The following RBM47 variants were observed in gnomAD, a reference collection of about 807,000 sequenced individuals.
RBM47 encodes the protein RNA-binding protein 47.
A neutral mutation model predicts 47.1 loss-of-function variants in RBM47; 21 were observed. The ratio of observed to expected loss-of-function variants is 0.45; its 90% CI spans 0.32 to 0.64. RBM47 has a LOEUF of 0.64. Among genes scored for constraint, RBM47 ranks in the 30% least tolerant of loss-of-function variants. The probability of loss-of-function intolerance (pLI) is 0.05; values close to 1 mark genes in which losing one functional copy is unlikely to be tolerated. For missense variants in RBM47, 708 were observed against 870.9 expected, an observed-to-expected ratio of 0.81 and a Z score of 2.35; for synonymous variants, 375 against 361.7, an observed-to-expected ratio of 1.04 and a Z score of -0.42.
intron 3 of RBM47, among the ~76,000 whole-genome samples, chr4:40,459,020 A>G (rs547693781): frequency 7.4e-4 from 112 of 152,330 alleles, no homozygotes; most frequent in South Asian, 1.2e-3. Context: ...AAAGAACTCT[A>G]TTAGAAATGA....
intron 1 of RBM47, among the ~76,000 whole-genome samples, chr4:40,583,911 A>G (rs1388617910): frequency 6.6e-6 from 1 of 150,714 alleles, no homozygotes; most frequent in Non-Finnish European, 1.5e-5. Context: ...CAGAATGATT[A>G]AATATATTTT....
chr4:40,616,912 G>C (rs1406558311), intron 1 of RBM47, among the ~76,000 whole-genome samples: 1 of 112,316 alleles, frequency 8.9e-6, no homozygotes, highest in Non-Finnish European at 1.7e-5. Context: ...GTCTTGCTCT[G>C]TCGCCCAGGC....
Position 40,519,273 on chromosome 4 carries a change from G to GTTCAACTGTT in RBM47, c.-155+25139_-155+25148dup, listed in dbSNP as rs1268190514. Among the ~76,000 whole-genome samples, 8 of 149,276 alleles carry GTTCAACTGTT rather than the reference G, an allele frequency of 5.4e-5. 1 individual carries two copies. In the East Asian group the frequency reaches 1.6e-3, roughly 29 times the overall value. ...TTCTGCCAACCTCTGACCAGAACCA[G>GTTCAACTGTT]TTCAACTGTTTTTCTCCTTCAATCT... On this transcript the variant is annotated intron_variant, in intron 2 of 6. Coordinates refer to ENST00000295971, the MANE Select transcript of RBM47 (RefSeq NM_001098634.2).
At position 40,432,699 on chromosome 4, in the gene RBM47, G is replaced by A. The variant is rs1167134625; in HGVS notation, c.1494C>T (p.Ala498=). 1.9e-5 allele frequency: 31 copies of A among 1,591,268 alleles called. No homozygotes were observed. Among genetic ancestry groups the A allele is most frequent in the East Asian group, 1.1e-4 (5 of 44,250 alleles). ...SAAAAAAAAA[A]AAAAVIPTVS... Reference sequence around the variant, plus strand: ...CAGTGGGAATGACAGCGGCTGCGGCGGCTGCGGCCGCGGCTGCGGCGGCAG... The same window carrying A: ...CAGTGGGAATGACAGCGGCTGCGGCAGCTGCGGCCGCGGCTGCGGCGGCAG... Residue 498 remains alanine, a synonymous_variant, in exon 6 of 7, where the codon GCC becomes GCT. Coordinates refer to ENST00000295971, the MANE Select transcript of RBM47 (RefSeq NM_001098634.2).
intron 2 of RBM47, among the ~76,000 whole-genome samples, chr4:40,487,037 A>G (rs981258228): frequency 6.6e-6 from 1 of 152,228 alleles, no homozygotes; most frequent in Admixed American, 6.5e-5. Context: ...TTAAACTGGA[A>G]GAGTCCTAAG....
At chr4:40,531,602 C>T (rs28736581) in intron 2 of RBM47, among the ~76,000 whole-genome samples, 2,362 of 152,220 alleles carry the variant, frequency 0.016, 81 homozygotes, top group African/African-American at 0.054. Flanking sequence ...AATGGACATG[C>T]GCTCAGATAC....
At chr4:40,439,161 GA>G (rs1393241714) in intron 3 of RBM47, among the ~76,000 whole-genome samples, 5 of 152,192 alleles carry the variant, frequency 3.3e-5, no homozygotes, top group Non-Finnish European at 7.4e-5. Context: ...AAATCAGAAT[GA>G]GCAAGTACTT....
chr4:40,563,644 T>C (rs1016130496), intron 1 of RBM47, among the ~76,000 whole-genome samples: 1 of 152,172 alleles, frequency 6.6e-6, no homozygotes, highest in African/African-American at 2.4e-5. Context: ...CAGAGGGTGG[T>C]GTCCACTAAG....
At chr4:40,526,345 A>G (rs80025103) in intron 2 of RBM47, among the ~76,000 whole-genome samples, 178 of 152,286 alleles carry the variant, frequency 1.2e-3, no homozygotes, top group African/African-American at 3.5e-3. Flanking sequence ...TCTAAATCAT[A>G]GAGAAGATAG....
intron 3 of RBM47, among the ~76,000 whole-genome samples, chr4:40,462,214 G>A (rs278948): frequency 0.34 from 51,464 of 151,972 alleles, 9,205 homozygotes; most frequent in East Asian, 0.59. Flanking sequence ...GTCTAGACAG[G>A]CTTCACATTT....
At chr4:40,568,461 G>GTC (rs1731316643) in intron 1 of RBM47, among the ~76,000 whole-genome samples, 1 of 144,928 alleles carries the variant, frequency 6.9e-6, no homozygotes, top group African/African-American at 2.6e-5. Flanking sequence ...AAAAAGGGTG[G>GTC]TCTCTATCAT....
intron 2 of RBM47, among the ~76,000 whole-genome samples, chr4:40,498,082 T>TA (rs1722879323): frequency 1.1e-5 from 1 of 93,266 alleles, no homozygotes; most frequent in Non-Finnish European, 2.3e-5. Flanking sequence ...ATATATATGT[T>TA]TATCTAATTC....
chr4:40,586,553 C>T (rs1733606924), intron 1 of RBM47, among the ~76,000 whole-genome samples: 1 of 150,444 alleles, frequency 6.6e-6, no homozygotes, highest in Non-Finnish European at 1.5e-5. Context: ...CCCTGTTAAC[C>T]AGAACAGCCA....
At chr4:40,441,274 CA>C (rs71196868) in intron 3 of RBM47, among the ~76,000 whole-genome samples, 17 of 141,348 alleles carry the variant, frequency 1.2e-4, no homozygotes, top group South Asian at 2.2e-4. Flanking sequence ...AAAAAGGAAC[CA>C]AAAAAAAAAA....
At chr4:40,540,497 G>C (rs979308329) in intron 2 of RBM47, among the ~76,000 whole-genome samples, 3 of 151,722 alleles carry the variant, frequency 2.0e-5, no homozygotes, top group Admixed American at 1.3e-4. Flanking sequence ...AAATTAGCCA[G>C]GCATGGTGGC....
At chr4:40,595,907 C>A in intron 1 of RBM47, among the ~76,000 whole-genome samples, 1 of 149,650 alleles carries the variant, frequency 6.7e-6, no homozygotes, top group African/African-American at 2.5e-5. Context: ...TTCGTCCCCC[C>A]TGCCAAAAAA....
intron 1 of RBM47, among the ~76,000 whole-genome samples, chr4:40,548,686 GAC>G (rs2154263550): frequency 6.6e-6 from 1 of 151,142 alleles, no homozygotes; most frequent in Non-Finnish European, 1.5e-5. Context: ...TTTTTTTTGA[GAC>G]AGAGTTTTGC....
chr4:40,535,371 C>CTTTTTTTTTTTTTTTTTTGTTTTTTT (rs1553897874), intron 2 of RBM47, among the ~76,000 whole-genome samples: 1 of 103,434 alleles, frequency 9.7e-6, no homozygotes, highest in Non-Finnish European at 1.9e-5. Context: ...TATGGTATTT[C>CTTTTTTTTTTTTTTTTTTGTTTTTTT]TTTTTTTTTT....
At chr4:40,436,385 C>A in intron 5 of RBM47, 56 bp downstream of exon 5, 1 of 1,536,370 alleles carries the variant, frequency 6.5e-7, no homozygotes, top group Non-Finnish European at 8.9e-7. Context: ...TCACTTCAAA[C>A]AGAAGGGCTG....
Sources: gnomAD v4.1 joint callset for allele counts (sites outside exome capture counted in the v4.1 genomes callset) on GRCh38, gnomAD v4.1.1 for gene constraint, MANE v1.5 for transcripts, NCBI Gene and HGNC (gene_info 2026-07-23, HGNC 2026-07-21) for gene names.